The following WDR26 variants were observed in gnomAD, a reference collection of about 807,000 sequenced individuals.
The protein encoded by WDR26 is WD repeat domain 26, also known as WD repeat-containing protein 26.
WDR26 carries 5 observed loss-of-function variants against 84.1 expected under a neutral mutation model. The observed-to-expected ratio is 0.06, with a 90% CI of 0.03 to 0.13. WDR26 has a LOEUF of 0.13. Ranked by LOEUF, WDR26 falls within the 10% of genes least tolerant of loss-of-function variation. The pLI is 1.00. For synonymous variants in WDR26, 415 were observed against 389.6 expected, an observed-to-expected ratio of 1.07 and a Z score of -0.77; for missense variants, 642 against 974.9, an observed-to-expected ratio of 0.66 and a Z score of 4.55.
At chr1:224,415,641 T>C (rs1673880398) in intron 6 of WDR26, among the ~76,000 whole-genome samples, 2 of 152,126 alleles carry the variant, frequency 1.3e-5, no homozygotes, top group South Asian at 2.1e-4. Flanking sequence ...TTTTGTATTT[T>C]TAGTAGAGAC....
chr1:224,418,180 C>A (rs1673961119), intron 6 of WDR26, 80 bp downstream of exon 6: 1 of 1,211,192 alleles, frequency 8.3e-7, no homozygotes. Context: ...TATATAGCTA[C>A]AGGATAAGAC....
Position 224,434,070 on chromosome 1 carries a change from ACCTCCT to A in WDR26, c.330_335del (p.Gly124_Gly125del), listed in dbSNP as rs768544588. The A allele has an allele frequency of 6.2e-6, 9 of 1,440,182 alleles. No individual in the cohort carries two copies. Among genetic ancestry groups the A allele is most frequent in the Middle Eastern group, 2.5e-4 (1 of 3,976 alleles). 89.2% of individuals were successfully genotyped at this position (1,440,182 alleles called of 1,614,324 possible). ...CTCCTCCTCCACCGCCGCCGCCGCCACCTCCTCCTCCTCCTCCTGCCCCATTGGCCT... is the reference window on the plus strand; with the variant it reads ...CTCCTCCTCCACCGCCGCCGCCGCCACCTCCTCCTCCTGCCCCATTGGCCT... On this transcript the variant is annotated inframe_deletion, in exon 1 of 14. Coordinates refer to ENST00000414423, the MANE Select transcript of WDR26 (RefSeq NM_001379403.1).
chr1:224,401,195 AAG>A, intron 8 of WDR26, 126 bp from the exon 9 acceptor site: 2 of 879,146 alleles, frequency 2.3e-6, no homozygotes, highest in Non-Finnish European at 3.3e-6. Flanking sequence ...GTAATGAATT[AAG>A]TGACCCTACA....
intron 4 of WDR26, among the ~76,000 whole-genome samples, chr1:224,424,030 G>A (rs866095063): frequency 2.8e-5 from 4 of 142,654 alleles, no homozygotes; most frequent in South Asian, 4.7e-4. Context: ...GGACAACACT[G>A]TAAGACCCTG....
At chr1:224,408,511 A>G (rs1251715726) in intron 7 of WDR26, among the ~76,000 whole-genome samples, 1 of 152,178 alleles carries the variant, frequency 6.6e-6, no homozygotes, top group African/African-American at 2.4e-5. Context: ...TCTTTTTCAT[A>G]TATCATGCAA....
intron 7 of WDR26, among the ~76,000 whole-genome samples, chr1:224,405,279 G>A (rs1673521477): frequency 6.6e-6 from 1 of 152,116 alleles, no homozygotes; most frequent in African/African-American, 2.4e-5. Flanking sequence ...TTTTATTGCT[G>A]AATAATATTT....
At chr1:224,392,133 G>A (rs555702842) in intron 13 of WDR26, among the ~76,000 whole-genome samples, 5 of 152,162 alleles carry the variant, frequency 3.3e-5, no homozygotes, top group South Asian at 4.2e-4. Flanking sequence ...AGGCCGAGGC[G>A]GGTGGATCAC....
intron 7 of WDR26, among the ~76,000 whole-genome samples, chr1:224,410,627 C>CA (rs1200917101): frequency 2.0e-5 from 3 of 149,836 alleles, no homozygotes; most frequent in African/African-American, 7.4e-5. Flanking sequence ...CTTCAGAAGG[C>CA]AAAAGAGTAA....
At chr1:224,417,358 A>G (rs752033289) in intron 6 of WDR26, among the ~76,000 whole-genome samples, 2 of 152,192 alleles carry the variant, frequency 1.3e-5, no homozygotes, top group Non-Finnish European at 2.9e-5. Context: ...AAATTATTTC[A>G]TTCTTGAAGT....
intron 8 of WDR26, among the ~76,000 whole-genome samples, chr1:224,404,076 A>G (rs1201410712): frequency 6.6e-6 from 1 of 152,214 alleles, no homozygotes; most frequent in Non-Finnish European, 1.5e-5. Context: ...AGAATCGAAA[A>G]TTTGGTTTAA....
At chr1:224,397,166 C>T (rs762636689) in intron 12 of WDR26, among the ~76,000 whole-genome samples, 2 of 151,964 alleles carry the variant, frequency 1.3e-5, no homozygotes, top group Non-Finnish European at 2.9e-5. Flanking sequence ...TATTTTTTTA[C>T]TTTTTGTAGA....
At chr1:224,407,253 C>A (rs1166114224) in intron 7 of WDR26, among the ~76,000 whole-genome samples, 1 of 133,756 alleles carries the variant, frequency 7.5e-6, no homozygotes, top group African/African-American at 2.8e-5. Flanking sequence ...AATACTATAT[C>A]TTCATTAGCA....
At chr1:224,398,353 T>C in intron 11 of WDR26, 127 bp from the exon 12 acceptor site, 2 of 1,344,860 alleles carry the variant, frequency 1.5e-6, no homozygotes, top group Non-Finnish European at 2.0e-6. Context: ...ACCAACATTC[T>C]GACAAATTTA....
intron 3 of WDR26, chr1:224,431,256 T>C (rs1481220184): frequency 4.6e-6 from 2 of 433,642 alleles, no homozygotes; most frequent in Non-Finnish European, 8.3e-6. Context: ...ATATATTTTT[T>C]GTAGAGCTTA....
intron 12 of WDR26, among the ~76,000 whole-genome samples, chr1:224,395,334 T>A (rs1673230643): frequency 6.6e-6 from 1 of 152,170 alleles, no homozygotes; most frequent in African/African-American, 2.4e-5. Context: ...ATTAGAAAGG[T>A]GTATAACTTA....
chr1:224,387,809 T>C lies in WDR26; in HGVS notation c.*2026A>G, dbSNP rs1673023068. ...TTAAAATATGAATGGTTTTTAACTA[T>C]ACTGAGGTAAAGAGAAGTTGCCACT... is the stretch of plus-strand genomic sequence containing the variant. On this transcript the variant is annotated 3_prime_UTR_variant, in exon 14 of 14. Transcript: ENST00000414423. 1 of 152,642 alleles carries C rather than the reference T, an allele frequency of 6.6e-6. No individual in the cohort carries two copies. Among genetic ancestry groups the C allele is most frequent in the African/African-American group, 2.4e-5 (1 of 41,446 alleles). 9.5% of individuals were successfully genotyped at this position (152,642 alleles called of 1,614,324 possible).
At chr1:224,414,992 G>GCAAGAT (rs1463749822) in intron 6 of WDR26, among the ~76,000 whole-genome samples, 1 of 152,150 alleles carries the variant, frequency 6.6e-6, no homozygotes, top group African/African-American at 2.4e-5. Flanking sequence ...GGGCTACAGG[G>GCAAGAT]CAAGATCATG....
At chr1:224,401,671 C>CAAAAAAAAAAAAAAAAAGA (rs1673417301) in intron 8 of WDR26, among the ~76,000 whole-genome samples, 2 of 49,642 alleles carry the variant, frequency 4.0e-5, no homozygotes, top group Non-Finnish European at 3.1e-5. Flanking sequence ...GAGACTGTCT[C>CAAAAAAAAAAAAAAAAAGA]AAAAAAAAAA....
At chr1:224,411,684 A>C in intron 6 of WDR26, 119 bp from the exon 7 acceptor site, 1 of 1,127,696 alleles carries the variant, frequency 8.9e-7, no homozygotes, top group Non-Finnish European at 1.2e-6. Context: ...TAAAAATAAG[A>C]AGTGAATGCA....
Sources: allele counts gnomAD v4.1 joint callset (sites outside exome capture counted in the v4.1 genomes callset), GRCh38; gene constraint gnomAD v4.1.1; transcripts MANE v1.5; gene names NCBI Gene and HGNC (gene_info 2026-07-23, HGNC 2026-07-21).